STXBP5L: variants seen among roughly 807,000 people sequenced by gnomAD.
STXBP5L encodes the protein syntaxin-binding protein 5-like.
STXBP5L carries 65 observed loss-of-function variants against 144.5 expected under a neutral mutation model. The observed-to-expected ratio is 0.45, with a 90% confidence interval of 0.37 to 0.55. The LOEUF (loss-of-function observed/expected upper bound fraction) is 0.55, where lower values mean the gene tolerates loss of function less well. Among genes scored for constraint, STXBP5L ranks in the 20% least tolerant of loss-of-function variants. STXBP5L has a pLI of 0.00. For missense variants in STXBP5L, 1,298 were observed against 1,405.5 expected (o/e 0.92, Z 1.22); for synonymous variants, 505 against 469.6 (o/e 1.08, Z -0.97).
intron 20 of STXBP5L, among the ~76,000 whole-genome samples, chr3:121,336,954 C>T (rs1373909514): frequency 6.6e-6 from 1 of 152,164 alleles, no homozygotes; most frequent in African/African-American, 2.4e-5. Flanking sequence ...TTTGCAGGAA[C>T]ATGGATGGAG....
At chr3:120,991,587 T>C (rs538182971) in intron 3 of STXBP5L, among the ~76,000 whole-genome samples, 1 of 152,272 alleles carries the variant, frequency 6.6e-6, no homozygotes, top group African/African-American at 2.4e-5. Context: ...AACCCAAATG[T>C]CCAACAATGA....
intron 20 of STXBP5L, among the ~76,000 whole-genome samples, chr3:121,344,060 A>T (rs2044845882): frequency 6.6e-6 from 1 of 151,952 alleles, no homozygotes; most frequent in Non-Finnish European, 1.5e-5. Flanking sequence ...GATATAGATC[A>T]ATGGAACACA....
intron 6 of STXBP5L, among the ~76,000 whole-genome samples, chr3:121,118,926 A>G (rs1319197385): frequency 2.0e-5 from 3 of 151,476 alleles, no homozygotes; most frequent in African/African-American, 7.3e-5. Flanking sequence ...AAGACTTTCA[A>G]GTGGAGTTGG....
chr3:121,244,430 G>A (rs1252689508), intron 14 of STXBP5L, among the ~76,000 whole-genome samples: 2 of 151,612 alleles, frequency 1.3e-5, no homozygotes, highest in Non-Finnish European at 2.9e-5. Flanking sequence ...TACACATTAT[G>A]GGAATTTAAG....
chr3:121,366,198 G>A lies in STXBP5L; in HGVS notation c.2177-12518G>A, dbSNP rs562761967. Among the ~76,000 whole-genome samples, 3 of 151,932 alleles carry A rather than the reference G, an allele frequency of 2.0e-5. No homozygotes were observed. In the South Asian group the frequency reaches 6.2e-4, roughly 32 times the overall value. ...GTCTTACATATGGCCTATCCTGGAG[G>A]ATGTCTCATGTGCACTTGAAAAGAA... On this transcript the variant is annotated intron_variant, in intron 20 of 26. Coordinates refer to ENST00000471454, the MANE Select transcript of STXBP5L (RefSeq NM_001308330.2).
At chr3:121,024,167 A>T (rs753001131) in intron 3 of STXBP5L, among the ~76,000 whole-genome samples, 3 of 152,188 alleles carry the variant, frequency 2.0e-5, no homozygotes, top group Non-Finnish European at 4.4e-5. Context: ...TTTGCAAAAC[A>T]TGTATCTAAA....
chr3:121,292,675 G>A (rs1348209860), intron 19 of STXBP5L, among the ~76,000 whole-genome samples: 2 of 152,114 alleles, frequency 1.3e-5, no homozygotes, highest in Admixed American at 6.5e-5. Flanking sequence ...TAAAGAAAAT[G>A]TGGTATATCA....
At chr3:121,069,288 T>G (rs2041696802) in intron 5 of STXBP5L, among the ~76,000 whole-genome samples, 1 of 152,230 alleles carries the variant, frequency 6.6e-6, no homozygotes, top group African/African-American at 2.4e-5. Context: ...TTACAAAGCA[T>G]AATTTCCTGG....
intron 18 of STXBP5L, among the ~76,000 whole-genome samples, chr3:121,259,926 G>A (rs2050332355): frequency 6.6e-6 from 1 of 151,780 alleles, no homozygotes; most frequent in Non-Finnish European, 1.5e-5. Context: ...TGAAGGGTCA[G>A]AACAACATAA....
At chr3:121,134,410 T>C (rs2045145370) in intron 7 of STXBP5L, among the ~76,000 whole-genome samples, 2 of 152,206 alleles carry the variant, frequency 1.3e-5, no homozygotes, top group South Asian at 4.1e-4. Context: ...TAAATTTCTT[T>C]TTTTTTAATT....
intron 2 of STXBP5L, among the ~76,000 whole-genome samples, chr3:120,952,437 T>C (rs1456840934): frequency 1.3e-5 from 2 of 152,134 alleles, no homozygotes; most frequent in Admixed American, 6.6e-5. Flanking sequence ...ATTCTACTTA[T>C]TATAAATGGG....
chr3:121,281,694 T>A (rs2051065180), intron 19 of STXBP5L, among the ~76,000 whole-genome samples: 1 of 151,982 alleles, frequency 6.6e-6, no homozygotes, highest in Non-Finnish European at 1.5e-5. Context: ...TGCTTGAACC[T>A]TAACAGTTAC....
At chr3:121,280,447 T>C (rs1034680829) in intron 19 of STXBP5L, among the ~76,000 whole-genome samples, 3 of 151,902 alleles carry the variant, frequency 2.0e-5, no homozygotes, top group African/African-American at 4.8e-5. Flanking sequence ...CCTGAAGGTA[T>C]TTTCACAATT....
At chr3:121,184,702 G>C (rs2047298745) in intron 9 of STXBP5L, among the ~76,000 whole-genome samples, 1 of 152,016 alleles carries the variant, frequency 6.6e-6, no homozygotes, top group Non-Finnish European at 1.5e-5. Context: ...TCAAATTCAA[G>C]AAATACAGAG....
At chr3:120,962,227 G>T (rs1343176785) in intron 3 of STXBP5L, among the ~76,000 whole-genome samples, 1 of 152,116 alleles carries the variant, frequency 6.6e-6, no homozygotes, top group African/African-American at 2.4e-5. Context: ...TCTATAGGTT[G>T]CCTGTTCATT....
At chr3:121,212,774 G>C (rs554475171) in intron 10 of STXBP5L, among the ~76,000 whole-genome samples, 66 of 152,180 alleles carry the variant, frequency 4.3e-4, no homozygotes, top group African/African-American at 1.5e-3. Flanking sequence ...GCTTGAGGGG[G>C]ATAGCATTGA....
intron 9 of STXBP5L, among the ~76,000 whole-genome samples, chr3:121,162,997 G>A (rs1016737788): frequency 1.1e-4 from 16 of 152,166 alleles, no homozygotes; most frequent in African/African-American, 3.9e-4. Flanking sequence ...TTCAACCATT[G>A]TGGAAGACAG....
chr3:120,957,784 T>C (rs1938215072), intron 3 of STXBP5L, among the ~76,000 whole-genome samples: 1 of 152,002 alleles, frequency 6.6e-6, no homozygotes, highest in South Asian at 2.1e-4. Flanking sequence ...TTTATAGCAC[T>C]AAATGCCCAC....
intron 11 of STXBP5L, among the ~76,000 whole-genome samples, 155 bp downstream of exon 11, chr3:121,223,312 G>T (rs1001678589): frequency 5.9e-5 from 9 of 152,196 alleles, no homozygotes; most frequent in African/African-American, 2.2e-4. Context: ...ACCTACTTGA[G>T]AAACTGGAAA....
Sources: gnomAD v4.1 joint callset for allele counts (sites outside exome capture counted in the v4.1 genomes callset) on GRCh38, gnomAD v4.1.1 for gene constraint, MANE v1.5 for transcripts, NCBI Gene and HGNC (gene_info 2026-07-23, HGNC 2026-07-21) for gene names.